CSMD1: variants seen among roughly 807,000 people sequenced by gnomAD.
CSMD1 encodes CUB and Sushi multiple domains 1, also known as CUB and sushi domain-containing protein 1.
CSMD1 carries 213 observed loss-of-function variants against 417.5 expected under a neutral mutation model. The ratio of observed to expected loss-of-function variants is 0.51; its 90% CI spans 0.46 to 0.57. The LOEUF is 0.57. CSMD1 is among the 20% of genes least tolerant of loss of function. The probability of loss-of-function intolerance (pLI) is 0.00; values close to 1 mark genes in which losing one functional copy is unlikely to be tolerated. For synonymous variants in CSMD1, 2,862 were observed against 1,736.8 expected (o/e 1.65, Z -16.11); for missense variants, 6,923 against 4,529.7 (o/e 1.53, Z -15.17).
rs56272726 is a variant in CSMD1, at chr8:3,709,680, G to GTTT, written c.932-1192_932-1190dup. On this transcript the variant is annotated intron_variant, in intron 6 of 69. Transcript: ENST00000635120. ...GATGGGCTTTAAATTGCAGCAGCAT[G>GTTT]TTTTTTTTTTTTTTTTTTTTTTTTT... Among the ~76,000 whole-genome samples, 185 of 33,690 alleles carry GTTT rather than the reference G, an allele frequency of 5.5e-3. 37 individuals carry two copies. Among genetic ancestry groups the GTTT allele is most frequent in the Middle Eastern group, 0.016 (1 of 62 alleles). 22.1% of individuals were successfully genotyped at this position (33,690 alleles called of 152,430 possible).
At chr8:4,096,000 G>C (rs1800986980) in intron 3 of CSMD1, among the ~76,000 whole-genome samples, 1 of 152,138 alleles carries the variant, frequency 6.6e-6, no homozygotes, top group African/African-American at 2.4e-5. Context: ...AGAGTTGTCA[G>C]AAACATAGGA....
At chr8:4,048,290 A>C (rs2740895) in intron 3 of CSMD1, among the ~76,000 whole-genome samples, 8 of 151,982 alleles carry the variant, frequency 5.3e-5, no homozygotes, top group Non-Finnish European at 1.0e-4. Context: ...TTATGAGCAT[A>C]AGATTGAGCT....
intron 1 of CSMD1, among the ~76,000 whole-genome samples, chr8:4,813,986 T>C (rs957584983): frequency 6.6e-6 from 1 of 152,218 alleles, no homozygotes; most frequent in Admixed American, 6.5e-5. Context: ...TAATCAACAA[T>C]TGTTGCATAA....
chr8:3,146,919 A>C (rs1818882613), intron 40 of CSMD1, among the ~76,000 whole-genome samples: 1 of 152,214 alleles, frequency 6.6e-6, no homozygotes, highest in African/African-American at 2.4e-5. Flanking sequence ...TCGATCAGGC[A>C]ATCCCATGCT....
intron 26 of CSMD1, among the ~76,000 whole-genome samples, chr8:3,270,100 A>G (rs1241108115): frequency 2.2e-5 from 3 of 136,554 alleles, no homozygotes; most frequent in Admixed American, 1.7e-4. Context: ...CCCAGGGCGA[A>G]GTACAGTGGC....
intron 25 of CSMD1, among the ~76,000 whole-genome samples, chr8:3,299,079 C>G (rs546531127): frequency 1.3e-5 from 2 of 152,138 alleles, no homozygotes; most frequent in East Asian, 1.9e-4. Flanking sequence ...AGGTAAGTGT[C>G]AGTCATTTTT....
chr8:3,811,329 T>G (rs571776360), intron 5 of CSMD1, among the ~76,000 whole-genome samples: 85 of 152,326 alleles, frequency 5.6e-4, no homozygotes, highest in African/African-American at 1.2e-3. Context: ...CACTGTACCT[T>G]AATTATGGAC....
chr8:3,399,531 T>TA lies in CSMD1; in HGVS notation c.2267-3dup, dbSNP rs770647523. On this transcript the variant is annotated splice_polypyrimidine_tract_variant and splice_region_variant and intron_variant, in intron 15 of 69. Coordinates refer to ENST00000635120, the MANE Select transcript of CSMD1 (RefSeq NM_033225.6). ...CTGTCAGATGTCCACCACATGGAGC[T>TA]AAAACAAGACGTAGAATATCTATTA... 2 of 1,582,550 alleles carry TA rather than the reference T, an allele frequency of 1.3e-6. No homozygotes were observed. Among genetic ancestry groups the TA allele is most frequent in the South Asian group, 1.2e-5 (1 of 83,546 alleles).
intron 1 of CSMD1, among the ~76,000 whole-genome samples, chr8:4,901,954 G>C (rs1383119033): frequency 6.6e-6 from 1 of 152,094 alleles, no homozygotes; most frequent in Non-Finnish European, 1.5e-5. Context: ...CACAACCAGA[G>C]GTCAAATACC....
At chr8:4,117,980 C>G (rs536121900) in intron 3 of CSMD1, among the ~76,000 whole-genome samples, 30 of 146,594 alleles carry the variant, frequency 2.0e-4, no homozygotes, top group Non-Finnish European at 3.0e-4. Context: ...GTACAAAGGA[C>G]AAGAGCAGGC....
At chr8:3,240,080 T>A (rs1490937125) in intron 26 of CSMD1, among the ~76,000 whole-genome samples, 1 of 152,106 alleles carries the variant, frequency 6.6e-6, no homozygotes, top group African/African-American at 2.4e-5. Context: ...AGGATTAGGG[T>A]GGTGGCGGCT....
chr8:4,929,910 T>G (rs1308722775), intron 1 of CSMD1, among the ~76,000 whole-genome samples: 1 of 152,212 alleles, frequency 6.6e-6, no homozygotes, highest in East Asian at 1.9e-4. Flanking sequence ...GCTATTGTAG[T>G]AAAAGTATAT....
At chr8:4,310,722 T>G (rs1798515155) in intron 3 of CSMD1, among the ~76,000 whole-genome samples, 1 of 152,126 alleles carries the variant, frequency 6.6e-6, no homozygotes, top group African/African-American at 2.4e-5. Flanking sequence ...GCAAGCATTG[T>G]ATACCATGGA....
intron 5 of CSMD1, among the ~76,000 whole-genome samples, chr8:3,992,976 G>A (rs1814874261): frequency 6.6e-6 from 1 of 152,144 alleles, no homozygotes; most frequent in Non-Finnish European, 1.5e-5. Flanking sequence ...GATGGAAACG[G>A]CCACAGTTGG....
At chr8:3,776,489 T>G (rs1470889415) in intron 5 of CSMD1, among the ~76,000 whole-genome samples, 1 of 152,130 alleles carries the variant, frequency 6.6e-6, no homozygotes, top group Non-Finnish European at 1.5e-5. Flanking sequence ...ACACACACAT[T>G]TCCTGCTCTC....
intron 1 of CSMD1, among the ~76,000 whole-genome samples, chr8:4,786,948 A>T (rs1797430402): frequency 6.6e-6 from 1 of 152,226 alleles, no homozygotes; most frequent in Admixed American, 6.5e-5. Context: ...TTAAATCTTA[A>T]TGTTTTTAAG....
At chr8:3,597,174 T>A (rs1405918225) in intron 8 of CSMD1, among the ~76,000 whole-genome samples, 1 of 151,872 alleles carries the variant, frequency 6.6e-6, no homozygotes, top group African/African-American at 2.4e-5. Context: ...GCCCCAGGGG[T>A]CATACTTTGA....
At chr8:4,236,041 T>G (rs1802032965) in intron 3 of CSMD1, among the ~76,000 whole-genome samples, 1 of 30,754 alleles carries the variant, frequency 3.3e-5, no homozygotes, top group African/African-American at 9.1e-5. Flanking sequence ...TTTTGTTTGT[T>G]TTTTTTTTTT....
Position 4,387,465 on chromosome 8 carries a change from G to C in CSMD1, c.415+32488C>G, listed in dbSNP as rs185980881. 6.8e-5 allele frequency among the ~76,000 whole-genome samples: 10 copies of C among 147,130 alleles called. No individual in the cohort carries two copies. The East Asian group carries it at 2.1e-3, about 31-fold the overall frequency. ...TATGCTTGGTCTCCATAATCAGGAA[G>C]TTGAGTGTACTTTCATATCATACTT... On this transcript the variant is annotated intron_variant, in intron 3 of 69. Coordinates refer to ENST00000635120, the MANE Select transcript of CSMD1 (RefSeq NM_033225.6).
Sources: gnomAD v4.1 joint callset for allele counts (sites outside exome capture counted in the v4.1 genomes callset) on GRCh38, gnomAD v4.1.1 for gene constraint, MANE v1.5 for transcripts, NCBI Gene and HGNC (gene_info 2026-07-23, HGNC 2026-07-21) for gene names.